Variants in PCDHA9 observed in about 807,000 individuals in gnomAD.
PCDHA9 encodes the protein protocadherin alpha-9.
Under a neutral mutation model 62.0 loss-of-function variants are expected in PCDHA9, and 62 were observed. That is an observed-to-expected ratio of 1.00 (90% CI 0.81 to 1.23). The LOEUF (loss-of-function observed/expected upper bound fraction) is 1.23, where lower values mean the gene tolerates loss of function less well. PCDHA9 is among the 50% of genes most tolerant of loss of function. PCDHA9 has a pLI of 0.00. For missense variants in PCDHA9, 1,205 were observed against 1,249.8 expected (o/e 0.96, Z 0.54); for synonymous variants, 557 against 567.6 (o/e 0.98, Z 0.27).
At chr5:140,868,042 C>G (rs1248168990) in intron 1 of PCDHA9, 1 of 151,924 alleles carries the variant, frequency 6.6e-6, no homozygotes, top group Non-Finnish European at 1.5e-5. Context: ...CTTGGAAATA[C>G]CAATATGGCA....
chr5:140,915,638 C>CTT (rs1183097723), intron 1 of PCDHA9, among the ~76,000 whole-genome samples: 1 of 151,724 alleles, frequency 6.6e-6, no homozygotes, highest in African/African-American at 2.4e-5. Context: ...CTCTCTCTCT[C>CTT]TCTCTCTCTC....
At chr5:140,928,427 C>T in intron 1 of PCDHA9, 1 of 1,614,132 alleles carries the variant, frequency 6.2e-7, no homozygotes. Flanking sequence ...GCCAAAACTT[C>T]CTTTGACTTT....
chr5:140,971,702 T>G (rs1411821487), intron 1 of PCDHA9, among the ~76,000 whole-genome samples: 6 of 152,138 alleles, frequency 3.9e-5, no homozygotes, highest in African/African-American at 1.4e-4. Flanking sequence ...CTAACCACCC[T>G]GCTATATAGA....
rs782406571 is a variant in PCDHA9 at position 140,876,145 on chromosome 5, T to C, written c.2394+25256T>C. 1.9e-6 allele frequency: 3 copies of C among 1,613,788 alleles called. No homozygotes were observed. The East Asian group carries it at 6.7e-5, about 36-fold the overall frequency. ...TGGCGGTAAACCAGAACTAACAGGG[T>C]CTGTCCAGATTCAAATAACCGTCCT... On this transcript the variant is annotated intron_variant, in intron 1 of 3. Coordinates refer to ENST00000532602, the MANE Select transcript of PCDHA9 (RefSeq NM_031857.2).
intron 1 of PCDHA9, among the ~76,000 whole-genome samples, chr5:140,975,393 C>G (rs2096665585): frequency 6.6e-6 from 1 of 152,256 alleles, no homozygotes. Flanking sequence ...TAAGATCCAT[C>G]ACAATCACAG....
At chr5:140,879,743 C>A (rs553188333) in intron 1 of PCDHA9, among the ~76,000 whole-genome samples, 2 of 152,274 alleles carry the variant, frequency 1.3e-5, no homozygotes, top group South Asian at 2.1e-4. Context: ...AAGGTGTTGT[C>A]AAGGCTATAC....
chr5:140,947,321 A>C (rs1365578593), intron 1 of PCDHA9, among the ~76,000 whole-genome samples: 5 of 151,748 alleles, frequency 3.3e-5, no homozygotes, highest in East Asian at 3.9e-4. Flanking sequence ...AAGTCGGTTG[A>C]CCATAAATGT....
chr5:140,996,372 G>A (rs898606404), intron 3 of PCDHA9, among the ~76,000 whole-genome samples: 1 of 152,180 alleles, frequency 6.6e-6, no homozygotes, highest in Non-Finnish European at 1.5e-5. Context: ...TTTTGTTGTC[G>A]GCTGAAATAA....
At position 140,963,599 on chromosome 5, in the gene PCDHA9, C is replaced by T. The variant is rs968307291; in HGVS notation, c.2395-15350C>T. On this transcript the variant is annotated intron_variant, in intron 1 of 3. Coordinates refer to ENST00000532602, the MANE Select transcript of PCDHA9 (RefSeq NM_031857.2). ...TCAAAATGTAGGATATAGTTCTAGA[C>T]GTAATTGGGAAAGCTTAACTTTGTT... Among the ~76,000 whole-genome samples, 9 of 152,254 alleles carry T rather than the reference C, an allele frequency of 5.9e-5. No individual in the cohort carries two copies. The South Asian group carries it at 1.0e-3, about 18-fold the overall frequency.
At chr5:140,891,428 C>G (rs2063097176) in intron 1 of PCDHA9, among the ~76,000 whole-genome samples, 1 of 149,620 alleles carries the variant, frequency 6.7e-6, no homozygotes, top group Admixed American at 6.7e-5. Flanking sequence ...CCCCAAGTCC[C>G]CAACGTCCAT....
intron 3 of PCDHA9, among the ~76,000 whole-genome samples, chr5:141,007,567 CA>C (rs1489201842): frequency 6.6e-6 from 1 of 151,954 alleles, no homozygotes; most frequent in Non-Finnish European, 1.5e-5. Flanking sequence ...GGCTCTATCT[CA>C]AATTTAAAAA....
intron 1 of PCDHA9, chr5:140,858,649 AT>A: frequency 1.2e-6 from 1 of 824,582 alleles, no homozygotes; most frequent in East Asian, 2.7e-5. Flanking sequence ...TGGTACTTAA[AT>A]TTTTTTAAAT....
intron 1 of PCDHA9, chr5:140,967,906 C>T (rs529421659): frequency 1.2e-6 from 2 of 1,614,208 alleles, no homozygotes; most frequent in Non-Finnish European, 1.7e-6. Context: ...ATGCTACACC[C>T]AACACCATTG....
chr5:140,959,780 A>G (rs2095510657), intron 1 of PCDHA9, among the ~76,000 whole-genome samples: 1 of 152,262 alleles, frequency 6.6e-6, no homozygotes. Flanking sequence ...AACAGTGTAT[A>G]TTAACATGGC....
At chr5:140,876,653 C>G in intron 1 of PCDHA9, 1 of 1,614,200 alleles carries the variant, frequency 6.2e-7, no homozygotes, top group Non-Finnish European at 8.5e-7. Flanking sequence ...CCTCATGTTC[C>G]CTTCAAGCTG....
At chr5:140,868,860 A>C (rs2050688614) in intron 1 of PCDHA9, 1 of 525,418 alleles carries the variant, frequency 1.9e-6, no homozygotes, top group Admixed American at 3.7e-5. Context: ...GTGGTGGTAA[A>C]TGCAGTGCAC....
chr5:140,926,370 A>G (rs1268539055), intron 1 of PCDHA9: 1 of 152,298 alleles, frequency 6.6e-6, no homozygotes, highest in African/African-American at 2.4e-5. Flanking sequence ...GGCGGCAGGA[A>G]GAGCCCAGCT....
At chr5:140,950,452 C>A (rs1030639288) in intron 1 of PCDHA9, among the ~76,000 whole-genome samples, 12 of 151,888 alleles carry the variant, frequency 7.9e-5, no homozygotes, top group African/African-American at 2.7e-4. Context: ...ATTCTACTGT[C>A]TTCTAATGCT....
intron 1 of PCDHA9, chr5:140,866,939 C>A (rs2049664187): frequency 6.6e-6 from 1 of 152,126 alleles, no homozygotes; most frequent in Admixed American, 6.6e-5. Context: ...ATAATCTCTT[C>A]ACTAGGGGCT....
Sources: allele counts gnomAD v4.1 joint callset (sites outside exome capture counted in the v4.1 genomes callset), GRCh38; gene constraint gnomAD v4.1.1; transcripts MANE v1.5; gene names NCBI Gene and HGNC (gene_info 2026-07-23, HGNC 2026-07-21).